The following EHBP1 variants were observed in gnomAD, a reference collection of about 807,000 sequenced individuals.
EHBP1 encodes EH domain binding protein 1.
EHBP1 carries 55 observed loss-of-function variants against 144.0 expected under a neutral mutation model. The ratio of observed to expected loss-of-function variants is 0.38; its 90% CI spans 0.31 to 0.48. The LOEUF (loss-of-function observed/expected upper bound fraction) is 0.48, where lower values mean the gene tolerates loss of function less well. Ranked by LOEUF, EHBP1 falls within the 20% of genes least tolerant of loss-of-function variation. EHBP1 has a pLI of 0.98. For missense variants in EHBP1, 1,200 were observed against 1,364.2 expected, an observed-to-expected ratio of 0.88 and a Z score of 1.90; for synonymous variants, 469 against 472.7, an observed-to-expected ratio of 0.99 and a Z score of 0.10.
chr2:62,891,158 C>CCAA (rs2052431752), intron 10 of EHBP1, among the ~76,000 whole-genome samples: 1 of 66,046 alleles, frequency 1.5e-5, no homozygotes, highest in Non-Finnish European at 2.9e-5. Flanking sequence ...GCCTGGGCGA[C>CCAA]AAAAAAAAAA....
chr2:62,961,498 G>A (rs2057999430), intron 14 of EHBP1, among the ~76,000 whole-genome samples: 1 of 152,028 alleles, frequency 6.6e-6, no homozygotes, highest in Non-Finnish European at 1.5e-5. Context: ...TTTTACTAAT[G>A]TAAGTTTTAG....
chr2:62,979,881 G>T (rs955313298), intron 15 of EHBP1, among the ~76,000 whole-genome samples: 17 of 151,968 alleles, frequency 1.1e-4, no homozygotes, highest in African/African-American at 3.9e-4. Flanking sequence ...TGGGACAAGG[G>T]CTATATATAT....
In EHBP1 at chr2:62,707,397, C is replaced by G. The variant is rs1037702987; in HGVS notation, c.104+102C>G. 7.2e-6 allele frequency: 6 copies of G among 832,526 alleles called. No homozygotes were observed. In the African/African-American group the frequency reaches 1.0e-4, roughly 14 times the overall value. 51.6% of individuals were successfully genotyped at this position (832,526 alleles called of 1,614,324 possible). ...AGTATATTTACCTTTCTATAGTGCA[C>G]TAGTGTGTAGAAGCTGGGTGGGGCG... On this transcript the variant is annotated intron_variant, in intron 2 of 22. Transcript: ENST00000431489.
At chr2:62,837,766 G>A (rs1293295434) in intron 7 of EHBP1, among the ~76,000 whole-genome samples, 2 of 151,988 alleles carry the variant, frequency 1.3e-5, no homozygotes, top group Admixed American at 1.3e-4. Context: ...ATGGTAAAGG[G>A]ATCAATTCAA....
intron 15 of EHBP1, among the ~76,000 whole-genome samples, chr2:62,980,188 C>A (rs776628619): frequency 2.0e-5 from 3 of 152,056 alleles, no homozygotes; most frequent in Non-Finnish European, 4.4e-5. Flanking sequence ...TTCCACGGAC[C>A]AGGAGGGTAA....
intron 4 of EHBP1, among the ~76,000 whole-genome samples, chr2:62,767,542 CA>C (rs113584710): frequency 3.3e-5 from 5 of 150,370 alleles, no homozygotes; most frequent in East Asian, 2.0e-4. Flanking sequence ...ACAAAAAATA[CA>C]AAAAAAACGG....
chr2:62,759,696 G>A (rs995044589), intron 3 of EHBP1, among the ~76,000 whole-genome samples: 1 of 151,988 alleles, frequency 6.6e-6, no homozygotes, highest in Non-Finnish European at 1.5e-5. Flanking sequence ...GAGCCACCGT[G>A]CCCAGCCAGT....
rs554001850 is a variant in EHBP1, at chr2:63,033,210, T to C, written c.3104-4325T>C. 4.6e-5 allele frequency among the ~76,000 whole-genome samples: 7 copies of C among 152,334 alleles called. No individual in the cohort carries two copies. In the South Asian group the frequency reaches 1.5e-3, roughly 32 times the overall value. On this transcript the variant is annotated intron_variant, in intron 19 of 22. Transcript: ENST00000431489. ...AATACCAGTTACTTGGATACCTTCA[T>C]GTATCATATGTCTTTTTGTCATATG...
At chr2:62,772,642 A>C (rs1247427698) in intron 5 of EHBP1, among the ~76,000 whole-genome samples, 1 of 152,260 alleles carries the variant, frequency 6.6e-6, no homozygotes. Flanking sequence ...GAAATTTCTT[A>C]AATTCTCAGT....
At chr2:62,739,502 G>T (rs2038482102) in intron 2 of EHBP1, among the ~76,000 whole-genome samples, 2 of 151,874 alleles carry the variant, frequency 1.3e-5, no homozygotes, top group South Asian at 2.1e-4. Context: ...TAGAAGAAAA[G>T]AGTAAATAAT....
intron 10 of EHBP1, among the ~76,000 whole-genome samples, chr2:62,886,112 CTTTTCAGCT>C (rs1459198035): frequency 1.3e-5 from 2 of 152,154 alleles, no homozygotes; most frequent in African/African-American, 4.8e-5. Flanking sequence ...AGCAAGCACC[CTTTTCAGCT>C]TTTCACCTTA....
chr2:62,787,438 A>G (rs1482102391), intron 5 of EHBP1, among the ~76,000 whole-genome samples: 4 of 111,756 alleles, frequency 3.6e-5, no homozygotes, highest in Non-Finnish European at 6.6e-5. Context: ...GTTCTTTCAT[A>G]GAGGCGTGGC....
intron 2 of EHBP1, among the ~76,000 whole-genome samples, chr2:62,708,977 A>T (rs1303129158): frequency 6.6e-6 from 1 of 152,192 alleles, no homozygotes; most frequent in Non-Finnish European, 1.5e-5. Context: ...TGTGCTGTTA[A>T]TAAATGATTT....
At chr2:62,782,213 G>T (rs1041136107) in intron 5 of EHBP1, among the ~76,000 whole-genome samples, 1 of 152,288 alleles carries the variant, frequency 6.6e-6, no homozygotes, top group Admixed American at 6.5e-5. Context: ...ATTAATTTTG[G>T]TTTGAGGGAT....
At chr2:62,901,663 A>T (rs1558883211) in intron 10 of EHBP1, among the ~76,000 whole-genome samples, 1 of 115,896 alleles carries the variant, frequency 8.6e-6, no homozygotes. Flanking sequence ...ACTTAGTTTA[A>T]AAAAAAAAAA....
chr2:62,833,066 G>T (rs1444701087), intron 7 of EHBP1, among the ~76,000 whole-genome samples: 3 of 152,116 alleles, frequency 2.0e-5, no homozygotes, highest in Non-Finnish European at 4.4e-5. Context: ...AATGCATAAA[G>T]CCTTATTGCT....
chr2:62,853,459 T>G (rs1196997321), intron 7 of EHBP1, among the ~76,000 whole-genome samples: 1 of 152,210 alleles, frequency 6.6e-6, no homozygotes, highest in Admixed American at 6.5e-5. Context: ...TCTCTTGCTA[T>G]TTCCACCACA....
intron 19 of EHBP1, among the ~76,000 whole-genome samples, chr2:63,014,713 C>A (rs940402512): frequency 4.6e-5 from 7 of 152,210 alleles, no homozygotes; most frequent in African/African-American, 1.7e-4. Flanking sequence ...GGCACAGGCT[C>A]ACGCCTGTAA....
intron 1 of EHBP1, among the ~76,000 whole-genome samples, chr2:62,692,552 C>G (rs2033940696): frequency 6.6e-6 from 1 of 152,114 alleles, no homozygotes. Flanking sequence ...TATTGTCTGT[C>G]TTTGATCTTA....
Sources: allele counts gnomAD v4.1 joint callset (sites outside exome capture counted in the v4.1 genomes callset), GRCh38; gene constraint gnomAD v4.1.1; transcripts MANE v1.5; gene names NCBI Gene and HGNC (gene_info 2026-07-23, HGNC 2026-07-21).